Variants in FAT3 observed in about 807,000 individuals in gnomAD.
FAT3 encodes the protein protocadherin Fat 3.
In FAT3, 95 loss-of-function variants were observed where a neutral mutation model predicts 310.2. The ratio of observed to expected loss-of-function variants is 0.31; its 90% CI spans 0.26 to 0.36. The LOEUF (loss-of-function observed/expected upper bound fraction) is 0.36. FAT3 is among the 10% of genes least tolerant of loss of function. The probability of loss-of-function intolerance (pLI) is 1.00; values close to 1 mark genes in which losing one functional copy is unlikely to be tolerated. For synonymous variants in FAT3, 2,314 were observed against 2,192.9 expected (o/e 1.06, Z -1.54); for missense variants, 5,408 against 5,715.6 (o/e 0.95, Z 1.74).
chr11:92,563,821 A>G (rs10830925), intron 3 of FAT3, among the ~76,000 whole-genome samples: 54,084 of 151,930 alleles, frequency 0.36, 10,389 homozygotes, highest in Non-Finnish European at 0.44. Context: ...AAAATACTTT[A>G]CAGACAAGCA....
chr11:92,271,365 C>T (rs1369920668), intron 1 of FAT3, among the ~76,000 whole-genome samples: 1 of 152,134 alleles, frequency 6.6e-6, no homozygotes, highest in African/African-American at 2.4e-5. Context: ...CTTCCCTCTG[C>T]TGCTTTCTGT....
intron 3 of FAT3, among the ~76,000 whole-genome samples, chr11:92,617,877 G>A (rs1940888216): frequency 6.6e-6 from 1 of 152,154 alleles, no homozygotes; most frequent in South Asian, 2.1e-4. Context: ...GGCTCTATGA[G>A]GTGTCAGTCA....
chr11:92,225,293 G>T (rs934352270), intron 1 of FAT3, among the ~76,000 whole-genome samples, 119 bp downstream of exon 1: 6 of 152,308 alleles, frequency 3.9e-5, no homozygotes, highest in Non-Finnish European at 8.8e-5. Flanking sequence ...CTGGGGAGGC[G>T]AGAGCCGACG....
At chr11:92,295,259 C>G (rs756292053) in intron 1 of FAT3, among the ~76,000 whole-genome samples, 4 of 152,054 alleles carry the variant, frequency 2.6e-5, no homozygotes, top group Non-Finnish European at 5.9e-5. Flanking sequence ...TGAAAAATGT[C>G]GTTCAATTCA....
chr11:92,677,004 G>A (rs1565505473), intron 3 of FAT3, among the ~76,000 whole-genome samples: 1 of 152,198 alleles, frequency 6.6e-6, no homozygotes, highest in East Asian at 1.9e-4. Flanking sequence ...TAAAGACACA[G>A]TTGTTGAAAT....
intron 4 of FAT3, among the ~76,000 whole-genome samples, chr11:92,743,611 G>C (rs1336985327): frequency 1.3e-5 from 2 of 152,234 alleles, no homozygotes; most frequent in East Asian, 3.9e-4. Flanking sequence ...TTGCCAAGCT[G>C]TGCATCCAGG....
At chr11:92,349,797 T>C (rs959423593) in intron 1 of FAT3, among the ~76,000 whole-genome samples, 14 of 152,190 alleles carry the variant, frequency 9.2e-5, no homozygotes, top group African/African-American at 2.9e-4. Context: ...CTTTTCATTT[T>C]TGCTGTCTAT....
At chr11:92,787,269 A>G (rs1591731155) in intron 7 of FAT3, among the ~76,000 whole-genome samples, 2 of 152,000 alleles carry the variant, frequency 1.3e-5, no homozygotes, top group Non-Finnish European at 2.9e-5. Context: ...AACCATACAT[A>G]TTTTTAAAGT....
chr11:92,734,285 T>C (rs1945275722), intron 4 of FAT3, among the ~76,000 whole-genome samples: 1 of 152,166 alleles, frequency 6.6e-6, no homozygotes, highest in Non-Finnish European at 1.5e-5. Context: ...TACCACATGT[T>C]TGAGAACCTA....
chr11:92,349,721 T>G (rs970580514), intron 1 of FAT3, among the ~76,000 whole-genome samples: 3 of 152,204 alleles, frequency 2.0e-5, no homozygotes, highest in African/African-American at 7.2e-5. Flanking sequence ...ACTTAGCATA[T>G]GCAATGTCTC....
intron 2 of FAT3, among the ~76,000 whole-genome samples, chr11:92,427,651 G>C (rs1401154839): frequency 6.6e-6 from 1 of 152,084 alleles, no homozygotes; most frequent in Non-Finnish European, 1.5e-5. Context: ...CTTTGGTTCT[G>C]TTTATGTGAT....
chr11:92,876,303 C>A (rs1949533318), intron 22 of FAT3, among the ~76,000 whole-genome samples: 1 of 152,222 alleles, frequency 6.6e-6, no homozygotes, highest in African/African-American at 2.4e-5. Flanking sequence ...TCATAGCCAA[C>A]AACTAGCCAG....
At position 92,790,099 on chromosome 11, in the gene FAT3, C is replaced by G. The variant is rs1946998247; in HGVS notation, c.4492C>G (p.His1498Asp). Residue 1498 changes from histidine to aspartate, a missense_variant, in exon 8 of 28, where the codon CAT becomes GAT. Coordinates refer to ENST00000525166, the MANE Select transcript of FAT3 (RefSeq NM_001367949.2). ...DEKHKLSYTV[H>D]SSIDSISMRK... ...GAAGCACAAGCTGAGCTACACTGTT[C>G]ATAGCAGCATCGACTCCATCAGCAT... 6.2e-7 allele frequency: 1 copy of G among 1,613,818 alleles called. No homozygotes were observed. The highest frequency in any genetic ancestry group is 8.5e-7 in the Non-Finnish European group (1 of 1,179,746).
intron 2 of FAT3, among the ~76,000 whole-genome samples, chr11:92,432,086 G>T (rs1160313131): frequency 6.6e-6 from 1 of 152,062 alleles, no homozygotes; most frequent in African/African-American, 2.4e-5. Flanking sequence ...AATTACCTTG[G>T]GCAGTATGGC....
intron 4 of FAT3, among the ~76,000 whole-genome samples, chr11:92,715,058 C>CAA (rs529155356): frequency 1.5e-5 from 2 of 133,478 alleles, no homozygotes; most frequent in African/African-American, 5.5e-5. Flanking sequence ...TAGCCTCCTC[C>CAA]AAAAAAAAAA....
intron 3 of FAT3, among the ~76,000 whole-genome samples, chr11:92,580,843 TC>T (rs1332992595): frequency 1.3e-5 from 2 of 152,042 alleles, no homozygotes; most frequent in South Asian, 2.1e-4. Context: ...CTACATGGCC[TC>T]CTTGGCAGTT....
At chr11:92,636,013 G>A (rs967732585) in intron 3 of FAT3, among the ~76,000 whole-genome samples, 3 of 151,928 alleles carry the variant, frequency 2.0e-5, no homozygotes, top group African/African-American at 4.8e-5. Context: ...GCCCAGACTC[G>A]AATGCAGTGG....
At chr11:92,232,320 A>C (rs2134231157) in intron 1 of FAT3, among the ~76,000 whole-genome samples, 1 of 152,338 alleles carries the variant, frequency 6.6e-6, no homozygotes, top group South Asian at 2.1e-4. Context: ...AGAATTCAGA[A>C]GTGTGTGGTA....
intron 19 of FAT3, among the ~76,000 whole-genome samples, chr11:92,848,778 C>A (rs1179823287): frequency 1.3e-5 from 2 of 152,246 alleles, no homozygotes; most frequent in African/African-American, 4.8e-5. Flanking sequence ...ACCAGCCATG[C>A]CCTCAACCAG....
Sources: allele counts gnomAD v4.1 joint callset (sites outside exome capture counted in the v4.1 genomes callset), GRCh38; gene constraint gnomAD v4.1.1; transcripts MANE v1.5; gene names NCBI Gene and HGNC (gene_info 2026-07-23, HGNC 2026-07-21).